Variants in SV2C observed in about 807,000 individuals in gnomAD.
SV2C encodes the protein synaptic vesicle glycoprotein 2C.
Under a neutral mutation model 79.7 loss-of-function variants are expected in SV2C, and 49 were observed. The ratio of observed to expected loss-of-function variants is 0.61; its 90% CI spans 0.49 to 0.78. The LOEUF is 0.78. Among genes scored for constraint, SV2C ranks in the 30% least tolerant of loss-of-function variants. The pLI is 0.00. For synonymous variants in SV2C, 334 were observed against 333.2 expected (o/e 1.00, Z -0.03); for missense variants, 833 against 912.9 (o/e 0.91, Z 1.13).
the SV2C span, among the ~76,000 whole-genome samples, chr5:75,934,286 C>CTTT: frequency 8.5e-6 from 1 of 117,526 alleles, no homozygotes; most frequent in African/African-American, 3.8e-5. Flanking sequence ...GTTGTTGTTT[C>CTTT]TTTTTTTCTT....
At chr5:75,942,093 A>G in the SV2C span, among the ~76,000 whole-genome samples, 16 of 152,210 alleles carry the variant, frequency 1.1e-4, no homozygotes, top group African/African-American at 3.1e-4. Context: ...TTCTGGACAG[A>G]TGAACACATG....
chr5:75,913,264 C>A, the SV2C span, among the ~76,000 whole-genome samples: 4 of 152,072 alleles, frequency 2.6e-5, no homozygotes, highest in East Asian at 1.9e-4. Flanking sequence ...TCTGATCCAG[C>A]GAGTAGGATA....
At chr5:75,954,231 A>G in the SV2C span, among the ~76,000 whole-genome samples, 2 of 152,072 alleles carry the variant, frequency 1.3e-5, no homozygotes, top group East Asian at 1.9e-4. Flanking sequence ...TAAAAGGACT[A>G]TGGAGTTGCA....
chr5:76,019,401 T>C, the SV2C span, among the ~76,000 whole-genome samples: 1 of 152,134 alleles, frequency 6.6e-6, no homozygotes. Context: ...ACCCTCCTTT[T>C]GAGAAGAGGA....
chr5:75,902,750 GT>G, the SV2C span, among the ~76,000 whole-genome samples: 1 of 152,182 alleles, frequency 6.6e-6, no homozygotes, highest in African/African-American at 2.4e-5. Flanking sequence ...CTGGGCATTT[GT>G]TTTGGGATTT....
chr5:75,875,276 A>G, the SV2C span, among the ~76,000 whole-genome samples: 1 of 152,164 alleles, frequency 6.6e-6, no homozygotes, highest in East Asian at 1.9e-4. Context: ...AAATAAAGCC[A>G]CATATCTATG....
chr5:76,198,364 AG>A (rs1744335819), intron 3 of SV2C, among the ~76,000 whole-genome samples: 1 of 152,114 alleles, frequency 6.6e-6, no homozygotes, highest in African/African-American at 2.4e-5. Flanking sequence ...GTTTAAAAAT[AG>A]GCCTGGCACC....
the SV2C span, among the ~76,000 whole-genome samples, chr5:76,040,834 A>T: frequency 1.3e-5 from 2 of 152,222 alleles, no homozygotes; most frequent in Non-Finnish European, 2.9e-5. Context: ...TCTTCTTGAC[A>T]TGTTTTCAAA....
At chr5:75,934,885 CTT>C in the SV2C span, among the ~76,000 whole-genome samples, 5 of 143,006 alleles carry the variant, frequency 3.5e-5, no homozygotes, top group Non-Finnish European at 3.1e-5. Context: ...GCAAAGTTAA[CTT>C]TTTTTTTTTT....
chr5:75,963,237 G>A, the SV2C span, among the ~76,000 whole-genome samples: 6 of 152,244 alleles, frequency 3.9e-5, no homozygotes, highest in African/African-American at 1.4e-4. Flanking sequence ...GTACTGCACT[G>A]CTAGGCTAGC....
intron 1 of SV2C, among the ~76,000 whole-genome samples, chr5:76,103,126 C>G (rs1747797840): frequency 6.6e-6 from 1 of 152,054 alleles, no homozygotes; most frequent in Admixed American, 6.6e-5. Context: ...ATAATTAAAA[C>G]TGCTGAAATA....
At chr5:76,086,921 C>T (rs1383257986) in intron 1 of SV2C, among the ~76,000 whole-genome samples, 4 of 152,112 alleles carry the variant, frequency 2.6e-5, no homozygotes, top group African/African-American at 4.8e-5. Context: ...GGATGGCTTA[C>T]CTATTGAGAG....
intron 3 of SV2C, among the ~76,000 whole-genome samples, chr5:76,200,391 G>A (rs1287243137): frequency 6.6e-6 from 1 of 152,212 alleles, no homozygotes; most frequent in Non-Finnish European, 1.5e-5. Context: ...GCAGATTGAG[G>A]TGCAGTGGTG....
chr5:76,156,027 G>C (rs1742714913), intron 2 of SV2C, among the ~76,000 whole-genome samples: 1 of 149,512 alleles, frequency 6.7e-6, no homozygotes, highest in East Asian at 2.0e-4. Flanking sequence ...TGGAGATATA[G>C]ATTAAGTTGT....
At chr5:76,095,659 A>G (rs1747530696) in intron 1 of SV2C, among the ~76,000 whole-genome samples, 1 of 152,160 alleles carries the variant, frequency 6.6e-6, no homozygotes, top group African/African-American at 2.4e-5. Flanking sequence ...CTATTTCATT[A>G]GAACGTGGAA....
At chr5:75,901,365 G>T in the SV2C span, among the ~76,000 whole-genome samples, 5 of 152,332 alleles carry the variant, frequency 3.3e-5, no homozygotes, top group South Asian at 1.0e-3. Context: ...GACTGTGTTT[G>T]CCTGGGTATC....
chr5:75,951,799 G>T, the SV2C span, among the ~76,000 whole-genome samples: 534 of 152,078 alleles, frequency 3.5e-3, 5 homozygotes, highest in Non-Finnish European at 5.3e-3. Flanking sequence ...TCTGGATATG[G>T]TTATGAATTT....
At chr5:76,158,784 C>G (rs1421416828) in intron 2 of SV2C, among the ~76,000 whole-genome samples, 1 of 152,082 alleles carries the variant, frequency 6.6e-6, no homozygotes, top group African/African-American at 2.4e-5. Flanking sequence ...GGAACACTTT[C>G]TAACTCATTA....
At chr5:75,871,538 A>C in the SV2C span, among the ~76,000 whole-genome samples, 1 of 152,182 alleles carries the variant, frequency 6.6e-6, no homozygotes, top group Admixed American at 6.5e-5. Flanking sequence ...GGCCAGGTGC[A>C]GTGGCTCATG....
Sources: gnomAD v4.1 joint callset for allele counts (sites outside exome capture counted in the v4.1 genomes callset) on GRCh38, gnomAD v4.1.1 for gene constraint, MANE v1.5 for transcripts, NCBI Gene and HGNC (gene_info 2026-07-23, HGNC 2026-07-21) for gene names.